Variants in DYM observed in about 807,000 individuals in gnomAD.
DYM encodes dyggve-Melchior-Clausen syndrome protein.
A neutral mutation model predicts 93.1 loss-of-function variants in DYM; 78 were observed. The observed-to-expected ratio is 0.84, with a 90% CI of 0.70 to 1.01. The LOEUF (loss-of-function observed/expected upper bound fraction) is 1.01. Among genes scored for constraint, DYM ranks in the 50% least tolerant of loss-of-function variants. DYM has a pLI of 0.00. For synonymous variants in DYM, 321 were observed against 319.7 expected, an observed-to-expected ratio of 1.00 and a Z score of -0.04; for missense variants, 789 against 845.0, an observed-to-expected ratio of 0.93 and a Z score of 0.82.
At chr18:49,365,005 G>A (rs2066391708) in intron 5 of DYM, among the ~76,000 whole-genome samples, 1 of 152,022 alleles carries the variant, frequency 6.6e-6, no homozygotes, top group Admixed American at 6.5e-5. Flanking sequence ...CTACAAGCAG[G>A]CAGGCCCCTA....
intron 15 of DYM, among the ~76,000 whole-genome samples, chr18:49,147,772 G>T (rs1226436110): frequency 6.6e-6 from 1 of 152,128 alleles, no homozygotes; most frequent in Admixed American, 6.6e-5. Context: ...AACCATTGTG[G>T]AAGTCAGTGT....
chr18:49,189,282 C>G (rs534158019), intron 14 of DYM, among the ~76,000 whole-genome samples: 1 of 152,132 alleles, frequency 6.6e-6, no homozygotes. Flanking sequence ...TGTAACAAAC[C>G]TGAATGTATT....
chr18:49,061,721 G>A (rs2075996198), intron 17 of DYM, among the ~76,000 whole-genome samples: 1 of 152,230 alleles, frequency 6.6e-6, no homozygotes. Flanking sequence ...CCACCAGGGT[G>A]AGTGGGCAGA....
At chr18:49,122,786 C>G (rs1048776947) in intron 15 of DYM, among the ~76,000 whole-genome samples, 2 of 152,170 alleles carry the variant, frequency 1.3e-5, no homozygotes, top group East Asian at 3.8e-4. Flanking sequence ...ATCACAACCA[C>G]AAGTCTAGGT....
At chr18:49,362,605 C>A (rs538624344) in intron 6 of DYM, among the ~76,000 whole-genome samples, 1 of 152,278 alleles carries the variant, frequency 6.6e-6, no homozygotes, top group East Asian at 1.9e-4. Context: ...ACATTCCAGA[C>A]AGCAGGAGAA....
chr18:49,406,515 C>CA (rs2071519159), intron 2 of DYM, among the ~76,000 whole-genome samples: 1 of 152,080 alleles, frequency 6.6e-6, no homozygotes, highest in South Asian at 2.1e-4. Context: ...GAGCCGAGAT[C>CA]ATGCCACTGC....
At chr18:49,061,194 A>C (rs533905910) in intron 17 of DYM, among the ~76,000 whole-genome samples, 1 of 152,288 alleles carries the variant, frequency 6.6e-6, no homozygotes, top group Non-Finnish European at 1.5e-5. Context: ...TGAAGTGTGC[A>C]AATAAGTGTA....
chr18:49,132,896 T>C (rs1180162114), intron 15 of DYM, among the ~76,000 whole-genome samples: 1 of 152,062 alleles, frequency 6.6e-6, no homozygotes, highest in Admixed American at 6.5e-5. Flanking sequence ...ATATAAAAAA[T>C]TGTTTTAGTA....
At chr18:49,441,643 G>A (rs1002170923) in intron 1 of DYM, among the ~76,000 whole-genome samples, 1 of 151,846 alleles carries the variant, frequency 6.6e-6, no homozygotes, top group African/African-American at 2.4e-5. Context: ...TCAGATCAAG[G>A]GAAGTGTGGA....
At chr18:49,149,216 G>T (rs961872772) in intron 15 of DYM, among the ~76,000 whole-genome samples, 6 of 152,078 alleles carry the variant, frequency 3.9e-5, no homozygotes, top group Non-Finnish European at 8.8e-5. Context: ...ATGGAGTGAC[G>T]GGGAGAAGCT....
intron 14 of DYM, among the ~76,000 whole-genome samples, chr18:49,167,856 T>G (rs2088111084): frequency 6.6e-6 from 1 of 152,138 alleles, no homozygotes; most frequent in South Asian, 2.1e-4. Flanking sequence ...AGAATGTTCA[T>G]TACAAATTTA....
intron 8 of DYM, among the ~76,000 whole-genome samples, chr18:49,312,112 G>A (rs2061632542): frequency 6.6e-6 from 1 of 152,172 alleles, no homozygotes; most frequent in Non-Finnish European, 1.5e-5. Context: ...TGCACTGTGT[G>A]TGACTGTATA....
intron 7 of DYM, among the ~76,000 whole-genome samples, chr18:49,332,869 C>T (rs1468286268): frequency 6.6e-6 from 1 of 152,204 alleles, no homozygotes; most frequent in Non-Finnish European, 1.5e-5. Flanking sequence ...AAGATGCACA[C>T]AGTCCCACGA....
intron 13 of DYM, among the ~76,000 whole-genome samples, chr18:49,225,176 C>T (rs2093485323): frequency 6.6e-6 from 1 of 152,098 alleles, no homozygotes; most frequent in African/African-American, 2.4e-5. Flanking sequence ...CATTAAGTTT[C>T]CAGGGGAAAT....
At chr18:49,187,854 T>A (rs548236524) in intron 14 of DYM, among the ~76,000 whole-genome samples, 45 of 152,326 alleles carry the variant, frequency 3.0e-4, no homozygotes, top group African/African-American at 1.1e-3. Flanking sequence ...ACATATGGCT[T>A]CTTTATGCTA....
chr18:49,140,093 C>T (rs1199268214), intron 15 of DYM, among the ~76,000 whole-genome samples: 1 of 152,094 alleles, frequency 6.6e-6, no homozygotes, highest in Non-Finnish European at 1.5e-5. Context: ...ATTCTAAGTG[C>T]TCTGAACTCA....
At chr18:49,280,585 T>C (rs1408337593) in intron 10 of DYM, among the ~76,000 whole-genome samples, 1 of 152,176 alleles carries the variant, frequency 6.6e-6, no homozygotes, top group Non-Finnish European at 1.5e-5. Flanking sequence ...TGTTAAAGAC[T>C]ATAAGGACAG....
chr18:49,104,483 C>T (rs774492670), intron 16 of DYM, among the ~76,000 whole-genome samples: 7 of 152,176 alleles, frequency 4.6e-5, no homozygotes, highest in Non-Finnish European at 8.8e-5. Flanking sequence ...GCATCCCTGT[C>T]GTGTGCCAGT....
chr18:49,313,438 C>T (rs1298045789), intron 8 of DYM, among the ~76,000 whole-genome samples: 2 of 110,404 alleles, frequency 1.8e-5, no homozygotes, highest in Non-Finnish European at 1.7e-5. Flanking sequence ...ACTCCAGTCT[C>T]GGCAACAGAG....
Sources: gnomAD v4.1 joint callset for allele counts (sites outside exome capture counted in the v4.1 genomes callset) on GRCh38, gnomAD v4.1.1 for gene constraint, MANE v1.5 for transcripts, NCBI Gene and HGNC (gene_info 2026-07-23, HGNC 2026-07-21) for gene names.